Variants in PPM1E observed in about 807,000 individuals in gnomAD.
PPM1E encodes the protein protein phosphatase, Mg2+/Mn2+ dependent 1E.
In PPM1E, 20 loss-of-function variants were observed where a neutral mutation model predicts 65.9. That is an observed-to-expected ratio of 0.30 (90% CI 0.21 to 0.44). PPM1E has a LOEUF of 0.44. Ranked by LOEUF, PPM1E falls within the 20% of genes least tolerant of loss-of-function variation. PPM1E has a pLI of 1.00. For missense variants in PPM1E, 713 were observed against 953.1 expected, an observed-to-expected ratio of 0.75 and a Z score of 3.32; for synonymous variants, 352 against 374.9, an observed-to-expected ratio of 0.94 and a Z score of 0.70.
At chr17:58,951,674 A>T (rs2052240702) in intron 1 of PPM1E, among the ~76,000 whole-genome samples, 1 of 77,100 alleles carries the variant, frequency 1.3e-5, no homozygotes, top group Non-Finnish European at 2.5e-5. Flanking sequence ...GACTCTCTTT[A>T]AAAAAAAAAA....
At chr17:58,924,084 A>T (rs1381258611) in intron 1 of PPM1E, among the ~76,000 whole-genome samples, 1 of 151,470 alleles carries the variant, frequency 6.6e-6, no homozygotes, top group South Asian at 2.1e-4. Context: ...ATGCCTGGCT[A>T]ATTTTTGTAT....
intron 1 of PPM1E, among the ~76,000 whole-genome samples, chr17:58,797,507 A>G (rs2050217904): frequency 6.6e-6 from 1 of 152,194 alleles, no homozygotes; most frequent in Non-Finnish European, 1.5e-5. Context: ...TTCAGACAGC[A>G]TGTTTTTTGA....
Position 58,810,450 on chromosome 17 carries a change from C to T in PPM1E, c.464+53989C>T, listed in dbSNP as rs1433636063. Among the ~76,000 whole-genome samples the T allele has an allele frequency of 2.6e-5, 4 of 152,214 alleles. No individual in the cohort carries two copies. In the East Asian group the frequency reaches 7.7e-4, roughly 29 times the overall value. On this transcript the variant is annotated intron_variant, in intron 1 of 6. Transcript: ENST00000308249. ...TCAATCTCCTGACCTTGTGATCCAC[C>T]TGCCTCAGCCTCCCAAAGTGCTGGG...
intron 1 of PPM1E, among the ~76,000 whole-genome samples, chr17:58,885,206 G>A (rs894636366): frequency 5.3e-5 from 8 of 152,096 alleles, no homozygotes; most frequent in Admixed American, 5.2e-4. Context: ...AAAGGCACTT[G>A]CCACCACGCC....
intron 1 of PPM1E, among the ~76,000 whole-genome samples, chr17:58,897,336 C>A (rs1418214341): frequency 6.6e-6 from 1 of 151,730 alleles, no homozygotes; most frequent in African/African-American, 2.4e-5. Flanking sequence ...ATGGCGTGAA[C>A]CTGGGAGGCA....
intron 1 of PPM1E, among the ~76,000 whole-genome samples, chr17:58,930,169 G>A (rs1241656536): frequency 2.0e-5 from 3 of 151,870 alleles, no homozygotes; most frequent in Non-Finnish European, 4.4e-5. Context: ...GCTGAGGCAA[G>A]TGGATCACTT....
intron 1 of PPM1E, among the ~76,000 whole-genome samples, chr17:58,765,209 C>T (rs868540727): frequency 1.5e-4 from 21 of 143,450 alleles, no homozygotes; most frequent in Admixed American, 7.9e-4. Flanking sequence ...GACAGGGTCT[C>T]GCTCTGTCAC....
At chr17:58,835,003 G>A (rs754203964) in intron 1 of PPM1E, among the ~76,000 whole-genome samples, 1 of 152,006 alleles carries the variant, frequency 6.6e-6, no homozygotes, top group Non-Finnish European at 1.5e-5. Flanking sequence ...TAAAGCCTCC[G>A]AATCCATGAG....
At chr17:58,862,382 AT>A (rs980826248) in intron 1 of PPM1E, among the ~76,000 whole-genome samples, 5 of 152,198 alleles carry the variant, frequency 3.3e-5, no homozygotes, top group Non-Finnish European at 7.3e-5. Flanking sequence ...TGACTGGATT[AT>A]TTGTCTGGTA....
At chr17:58,912,540 T>G (rs2051639314) in intron 1 of PPM1E, among the ~76,000 whole-genome samples, 1 of 152,212 alleles carries the variant, frequency 6.6e-6, no homozygotes, top group Non-Finnish European at 1.5e-5. Flanking sequence ...AAGAGTAGAA[T>G]TGTAGGAGAT....
intron 1 of PPM1E, among the ~76,000 whole-genome samples, chr17:58,952,134 T>C (rs149607985): frequency 6.6e-6 from 1 of 152,226 alleles, no homozygotes; most frequent in Non-Finnish European, 1.5e-5. Flanking sequence ...TTTGTGAGTA[T>C]CCCAATGGCC....
chr17:58,792,743 CTTTTTTTTT>C (rs780992600), intron 1 of PPM1E, among the ~76,000 whole-genome samples: 98 of 76,338 alleles, frequency 1.3e-3, no homozygotes, highest in African/African-American at 3.5e-3. Flanking sequence ...GAATTTTACT[CTTTTTTTTT>C]TTTTTTTTTT....
intron 3 of PPM1E, among the ~76,000 whole-genome samples, chr17:58,967,220 A>G (rs970916642): frequency 5.9e-5 from 9 of 152,160 alleles, no homozygotes; most frequent in African/African-American, 2.2e-4. Context: ...TTCACTTTTA[A>G]TTCTTTATTA....
chr17:58,946,527 C>T (rs890695824), intron 1 of PPM1E, among the ~76,000 whole-genome samples: 6 of 152,150 alleles, frequency 3.9e-5, no homozygotes, highest in African/African-American at 1.4e-4. Context: ...ATGATTATGG[C>T]TCACTGCAGC....
chr17:58,850,489 C>T (rs2050815909), intron 1 of PPM1E, among the ~76,000 whole-genome samples: 1 of 152,126 alleles, frequency 6.6e-6, no homozygotes, highest in South Asian at 2.1e-4. Context: ...CAAAATCTCT[C>T]AGCATTTGTT....
chr17:58,918,294 TC>T (rs2051708599), intron 1 of PPM1E, among the ~76,000 whole-genome samples: 1 of 152,186 alleles, frequency 6.6e-6, no homozygotes, highest in Non-Finnish European at 1.5e-5. Context: ...TAAAAATAGT[TC>T]CTTCAGAAAC....
At chr17:58,870,526 T>C (rs914033405) in intron 1 of PPM1E, among the ~76,000 whole-genome samples, 1 of 152,200 alleles carries the variant, frequency 6.6e-6, no homozygotes, top group African/African-American at 2.4e-5. Flanking sequence ...CCTTCTGTTA[T>C]GTCCATGTGT....
chr17:58,756,537 C>T (rs1336370304), intron 1 of PPM1E, 76 bp downstream of exon 1: 9 of 1,245,980 alleles, frequency 7.2e-6, no homozygotes, highest in South Asian at 7.7e-5. Flanking sequence ...TCCCTCGGCC[C>T]CTCAAACTGC....
At chr17:58,765,333 A>G (rs1391275866) in intron 1 of PPM1E, among the ~76,000 whole-genome samples, 3 of 151,996 alleles carry the variant, frequency 2.0e-5, no homozygotes, top group African/African-American at 7.2e-5. Context: ...ACGCATCACC[A>G]TGCCCAGCTA....
Sources: gnomAD v4.1 joint callset for allele counts (sites outside exome capture counted in the v4.1 genomes callset) on GRCh38, gnomAD v4.1.1 for gene constraint, MANE v1.5 for transcripts, NCBI Gene and HGNC (gene_info 2026-07-23, HGNC 2026-07-21) for gene names.